The following BCAS3 variants were observed in gnomAD, a reference collection of about 807,000 sequenced individuals.
BCAS3 encodes BCAS4/BCAS3 fusion.
A neutral mutation model predicts 116.1 loss-of-function variants in BCAS3; 53 were observed. The observed-to-expected ratio is 0.46, with a 90% CI of 0.37 to 0.57. The LOEUF is 0.57. Among genes scored for constraint, BCAS3 ranks in the 20% least tolerant of loss-of-function variants. BCAS3 has a pLI of 0.00. For missense variants in BCAS3, 917 were observed against 1,165.4 expected (o/e 0.79, Z 3.10); for synonymous variants, 391 against 408.2 (o/e 0.96, Z 0.51).
chr17:60,861,222 T>C (rs1429764275), intron 7 of BCAS3, among the ~76,000 whole-genome samples: 1 of 152,196 alleles, frequency 6.6e-6, no homozygotes, highest in Non-Finnish European at 1.5e-5. Context: ...TGGTTAGCAG[T>C]ATTCCTAGGG....
intron 15 of BCAS3, among the ~76,000 whole-genome samples, chr17:61,005,626 G>T (rs1180225493): frequency 6.6e-6 from 1 of 151,932 alleles, no homozygotes; most frequent in Non-Finnish European, 1.5e-5. Flanking sequence ...TAACAGTCAT[G>T]GGTAAAAAGA....
At chr17:61,254,199 C>T (rs2048588077) in intron 22 of BCAS3, among the ~76,000 whole-genome samples, 1 of 152,142 alleles carries the variant, frequency 6.6e-6, no homozygotes, top group South Asian at 2.1e-4. Context: ...TTATTTAAAA[C>T]CTTCAGGAGA....
chr17:60,693,993 C>T (rs550933028), intron 4 of BCAS3, among the ~76,000 whole-genome samples: 17 of 147,346 alleles, frequency 1.2e-4, no homozygotes, highest in South Asian at 8.5e-4. Context: ...TCATGTCATT[C>T]TCCTGCCTCA....
At chr17:61,006,790 G>A (rs1016619034) in intron 15 of BCAS3, among the ~76,000 whole-genome samples, 2 of 151,924 alleles carry the variant, frequency 1.3e-5, no homozygotes, top group African/African-American at 2.4e-5. Flanking sequence ...ATAGGTTGAG[G>A]CTTAAGGTCA....
At chr17:60,915,006 A>G (rs998449599) in intron 12 of BCAS3, among the ~76,000 whole-genome samples, 2 of 152,196 alleles carry the variant, frequency 1.3e-5, no homozygotes, top group Non-Finnish European at 2.9e-5. Context: ...TATAAAATAT[A>G]CCCATAACTT....
chr17:61,130,292 T>C lies in BCAS3; in HGVS notation c.2425+45728T>C, dbSNP rs1601467401. Reference sequence around the variant, plus strand: ...CTCAATTCTAAATCCCAGAGCACCATAGAAACTGGCAAAATATCTTCCCAA... The same window carrying C: ...CTCAATTCTAAATCCCAGAGCACCACAGAAACTGGCAAAATATCTTCCCAA... On this transcript the variant is annotated intron_variant, in intron 22 of 23. Coordinates refer to ENST00000407086, the MANE Select transcript of BCAS3 (RefSeq NM_017679.5). This position sits in a 1 kb window ranked among gnomAD's most constrained non-coding sequence, Gnocchi z 5.0. Among the ~76,000 whole-genome samples the C allele has an allele frequency of 2.0e-5, 3 of 152,242 alleles. No individual in the cohort carries two copies. Among genetic ancestry groups the C allele is most frequent in the East Asian group, 3.8e-4 (2 of 5,202 alleles).
Position 61,356,167 on chromosome 17 carries a change from G to C in BCAS3, c.2426-12160G>C, listed in dbSNP as rs765739342. ...CTGCCATCATGCCCGGCTGATTTTTGTATTTTTGTAGAGACGGGGTTTCAC... is the reference window on the plus strand; with the variant it reads ...CTGCCATCATGCCCGGCTGATTTTTCTATTTTTGTAGAGACGGGGTTTCAC... On this transcript the variant is annotated intron_variant, in intron 22 of 23. Transcript: ENST00000407086. The surrounding 1 kb of genome is among the most constrained non-coding windows in gnomAD (Gnocchi z 5.4). Among the ~76,000 whole-genome samples, 3 of 152,110 alleles carry C rather than the reference G, an allele frequency of 2.0e-5. No homozygotes were observed. The highest frequency in any genetic ancestry group is 4.2e-4 in the South Asian group (2 of 4,814).
At chr17:60,759,601 T>C (rs2043313788) in intron 6 of BCAS3, among the ~76,000 whole-genome samples, 1 of 151,726 alleles carries the variant, frequency 6.6e-6, no homozygotes, top group African/African-American at 2.4e-5. Context: ...TCTTGCTGGA[T>C]TGACTCCTTT....
intron 7 of BCAS3, 81 bp downstream of exon 7, chr17:60,808,157 C>G: frequency 3.1e-6 from 3 of 956,684 alleles, no homozygotes; most frequent in Non-Finnish European, 4.8e-6. Flanking sequence ...TGTTATAAAA[C>G]CTTTGTAACC....
chr17:60,848,752 G>A (rs2052762210), intron 7 of BCAS3, among the ~76,000 whole-genome samples: 1 of 151,260 alleles, frequency 6.6e-6, no homozygotes, highest in African/African-American at 2.4e-5. Flanking sequence ...AGGCTGGAGT[G>A]CAGTGGCATG....
chr17:61,231,382 C>T (rs1397688930), intron 22 of BCAS3, among the ~76,000 whole-genome samples: 2 of 152,032 alleles, frequency 1.3e-5, no homozygotes, highest in African/African-American at 2.4e-5. Context: ...CTTTAGGTTG[C>T]CTGTTTACTC....
intron 5 of BCAS3, among the ~76,000 whole-genome samples, chr17:60,721,645 T>G (rs753645502): frequency 5.3e-5 from 8 of 152,208 alleles, no homozygotes; most frequent in Non-Finnish European, 1.0e-4. Flanking sequence ...AAACAATATA[T>G]TATTTGGACC....
intron 13 of BCAS3, among the ~76,000 whole-genome samples, chr17:60,930,670 C>T (rs2145183408): frequency 1.3e-5 from 2 of 152,178 alleles, no homozygotes; most frequent in South Asian, 4.2e-4. Context: ...GTTGGCTAGG[C>T]TGGTCTTGAA....
chr17:60,865,400 ATAAC>A lies in BCAS3; in HGVS notation c.477-3174_477-3171del, dbSNP rs1278834973. Among the ~76,000 whole-genome samples, 5 of 152,340 alleles carry A rather than the reference ATAAC, an allele frequency of 3.3e-5. No individual in the cohort carries two copies. In the East Asian group the frequency reaches 9.6e-4, roughly 29 times the overall value. On this transcript the variant is annotated intron_variant, in intron 7 of 23. Transcript: ENST00000407086. ...GGAGACTTGCCATCTTAAGAAAATT[ATAAC>A]TCCCAATCCAAGAACATGGTATTTA... is the stretch of plus-strand genomic sequence containing the variant.
chr17:61,116,139 C>G (rs1405903082), intron 22 of BCAS3, among the ~76,000 whole-genome samples: 1 of 151,256 alleles, frequency 6.6e-6, no homozygotes, highest in Admixed American at 6.6e-5. Flanking sequence ...ATACCTAATG[C>G]TAGATAACGA....
chr17:60,753,383 T>TTTTATTTATTTATTTATTTA (rs35459382), intron 6 of BCAS3, among the ~76,000 whole-genome samples: 2 of 135,610 alleles, frequency 1.5e-5, no homozygotes, highest in Non-Finnish European at 1.6e-5. Context: ...TTGTCTCTTA[T>TTTTATTTATTTATTTATTTA]TTTATTTATT....
chr17:61,247,671 TTTC>T (rs2048080397), intron 22 of BCAS3, among the ~76,000 whole-genome samples: 1 of 152,104 alleles, frequency 6.6e-6, no homozygotes, highest in Non-Finnish European at 1.5e-5. Context: ...ACAGCAGATG[TTTC>T]TTCTTTTGAC....
intron 22 of BCAS3, among the ~76,000 whole-genome samples, chr17:61,085,852 C>G (rs1006798946): frequency 1.3e-5 from 2 of 152,122 alleles, no homozygotes; most frequent in Non-Finnish European, 2.9e-5. Flanking sequence ...TTGGAATGAT[C>G]GTTTACAATT....
chr17:60,903,032 G>A (rs566171732), intron 11 of BCAS3, among the ~76,000 whole-genome samples: 3 of 152,198 alleles, frequency 2.0e-5, no homozygotes, highest in African/African-American at 4.8e-5. Context: ...TCAGTCCCTC[G>A]TCACATTCAA....
Sources: gnomAD v4.1 joint callset for allele counts (sites outside exome capture counted in the v4.1 genomes callset) on GRCh38, gnomAD v4.1.1 for gene constraint, Gnocchi (gnomAD v3.1) non-coding constraint, MANE v1.5 for transcripts, NCBI Gene and HGNC (gene_info 2026-07-23, HGNC 2026-07-21) for gene names.